The following SAMD3 variants were observed in gnomAD, a reference collection of about 807,000 sequenced individuals.
The protein encoded by SAMD3 is sterile alpha motif domain-containing protein 3.
SAMD3 carries 63 observed loss-of-function variants against 58.5 expected under a neutral mutation model. The ratio of observed to expected loss-of-function variants is 1.08; its 90% CI spans 0.88 to 1.33. The LOEUF (loss-of-function observed/expected upper bound fraction) is 1.33. Among genes scored for constraint, SAMD3 ranks in the 40% most tolerant of loss-of-function variants. The pLI is 0.00. For missense variants in SAMD3, 604 were observed against 608.4 expected (o/e 0.99, Z 0.08); for synonymous variants, 220 against 210.3 (o/e 1.05, Z -0.40).
intron 1 of SAMD3, among the ~76,000 whole-genome samples, chr6:130,337,906 C>T (rs1051196511): frequency 2.0e-5 from 3 of 152,152 alleles, no homozygotes; most frequent in African/African-American, 7.2e-5. Context: ...GAAAAGAAAA[C>T]CTCATTTTCT....
At chr6:130,362,115 G>A (rs943575160) in intron 1 of SAMD3, among the ~76,000 whole-genome samples, 11 of 152,216 alleles carry the variant, frequency 7.2e-5, no homozygotes, top group Admixed American at 2.0e-4. Context: ...GCTTCTGGAA[G>A]GGACTGAAGT....
At chr6:130,282,750 T>C (rs940221701) in intron 2 of SAMD3, among the ~76,000 whole-genome samples, 1 of 152,188 alleles carries the variant, frequency 6.6e-6, no homozygotes, top group Admixed American at 6.5e-5. Flanking sequence ...CAAACTTGTG[T>C]TTCATGCAGG....
chr6:130,164,482 A>C (rs1010394269), intron 8 of SAMD3, among the ~76,000 whole-genome samples: 2 of 152,192 alleles, frequency 1.3e-5, no homozygotes, highest in Non-Finnish European at 2.9e-5. Context: ...CCTGATCCTC[A>C]AAAAATGCCT....
intron 2 of SAMD3, among the ~76,000 whole-genome samples, chr6:130,269,136 T>A (rs1774466217): frequency 6.6e-6 from 1 of 152,170 alleles, no homozygotes; most frequent in Non-Finnish European, 1.5e-5. Context: ...TGGTATAAGT[T>A]GTGAAGTTTA....
At chr6:130,282,669 T>C (rs983980939) in intron 2 of SAMD3, among the ~76,000 whole-genome samples, 1 of 151,924 alleles carries the variant, frequency 6.6e-6, no homozygotes, top group Non-Finnish European at 1.5e-5. Flanking sequence ...ATCTACTCAC[T>C]GGTACAGAGA....
At chr6:130,184,943 T>C (rs1792790720) in intron 5 of SAMD3, among the ~76,000 whole-genome samples, 1 of 152,216 alleles carries the variant, frequency 6.6e-6, no homozygotes, top group South Asian at 2.1e-4. Context: ...AGCTCAAAAC[T>C]AGACAATATA....
At chr6:130,210,236 A>G (rs914543050) in intron 4 of SAMD3, among the ~76,000 whole-genome samples, 1 of 152,158 alleles carries the variant, frequency 6.6e-6, no homozygotes, top group African/African-American at 2.4e-5. Flanking sequence ...TCATATCCCC[A>G]TCATTTGCTG....
chr6:130,154,718 AATATATAT>A (rs147697847), intron 9 of SAMD3, 99 bp downstream of exon 9: 14 of 72,514 alleles, frequency 1.9e-4, no homozygotes, highest in South Asian at 5.4e-4. Flanking sequence ...AAAAAAAAAA[AATATATAT>A]ATATATATAT....
intron 1 of SAMD3, among the ~76,000 whole-genome samples, chr6:130,337,257 A>G (rs1367264952): frequency 6.6e-6 from 1 of 152,146 alleles, no homozygotes; most frequent in Non-Finnish European, 1.5e-5. Flanking sequence ...AGTGTTTGAC[A>G]GTTCCTCCTG....
intron 1 of SAMD3, among the ~76,000 whole-genome samples, chr6:130,325,119 C>T (rs1442155251): frequency 6.6e-6 from 1 of 152,136 alleles, no homozygotes; most frequent in Non-Finnish European, 1.5e-5. Context: ...GCAGAAATCT[C>T]ATTGTAGTTT....
Position 130,300,927 on chromosome 6 carries a change from C to A in SAMD3, c.-188+12051G>T, listed in dbSNP as rs374120363. Among the ~76,000 whole-genome samples the A allele has an allele frequency of 2.0e-5, 3 of 152,064 alleles. No individual in the cohort carries two copies. The East Asian group carries it at 5.8e-4, about 29-fold the overall frequency. ...TGTTGGTTTGCTGCACCCATCAACT[C>A]GTCATTTACATTAGGTATTTCACCT... is the stretch of plus-strand genomic sequence containing the variant. On this transcript the variant is annotated intron_variant, in intron 2 of 13. Transcript: ENST00000368134.
chr6:130,307,771 A>C (rs1775957624), intron 2 of SAMD3, among the ~76,000 whole-genome samples: 1 of 152,220 alleles, frequency 6.6e-6, no homozygotes, highest in Non-Finnish European at 1.5e-5. Flanking sequence ...ACTTTATTTA[A>C]CTTAATCATT....
chr6:130,224,925 C>G (rs1796346233), upstream of SAMD3, among the ~76,000 whole-genome samples: 1 of 152,080 alleles, frequency 6.6e-6, no homozygotes, highest in Non-Finnish European at 1.5e-5. Context: ...GCCCGAAGCA[C>G]TCTTTTTAGA....
intron 5 of SAMD3, among the ~76,000 whole-genome samples, chr6:130,200,006 T>C (rs761443823): frequency 3.3e-5 from 5 of 152,124 alleles, no homozygotes; most frequent in African/African-American, 1.2e-4. Context: ...TTGGCAAAGA[T>C]AGACAGATGT....
chr6:130,270,153 A>G (rs1267509293), intron 2 of SAMD3, among the ~76,000 whole-genome samples: 4 of 152,220 alleles, frequency 2.6e-5, no homozygotes, highest in Middle Eastern at 3.4e-3. Context: ...GTGCAGTGAC[A>G]TGATCTCAGC....
intron 2 of SAMD3, among the ~76,000 whole-genome samples, chr6:130,256,675 A>ACCTCTCC (rs1773937682): frequency 6.6e-6 from 1 of 152,222 alleles, no homozygotes; most frequent in Admixed American, 6.5e-5. Flanking sequence ...GCTCATGGAA[A>ACCTCTCC]CAGATGTTGT....
chr6:130,284,855 A>T (rs1032138433), intron 2 of SAMD3, among the ~76,000 whole-genome samples: 3 of 152,256 alleles, frequency 2.0e-5, no homozygotes, highest in East Asian at 3.8e-4. Context: ...CCAACAACAT[A>T]TATAGAGAAC....
At chr6:130,171,157 G>A (rs1055673608) in intron 8 of SAMD3, among the ~76,000 whole-genome samples, 3 of 152,186 alleles carry the variant, frequency 2.0e-5, no homozygotes, top group African/African-American at 7.2e-5. Context: ...AAGCGATGTT[G>A]AATTTTATCA....
intron 2 of SAMD3, among the ~76,000 whole-genome samples, chr6:130,286,454 T>C (rs977505479): frequency 6.6e-6 from 1 of 152,222 alleles, no homozygotes; most frequent in Non-Finnish European, 1.5e-5. Context: ...GTTCCTTTCT[T>C]TTGAAAGAAC....
Sources: allele counts gnomAD v4.1 joint callset (sites outside exome capture counted in the v4.1 genomes callset), GRCh38; gene constraint gnomAD v4.1.1; transcripts MANE v1.5; gene names NCBI Gene and HGNC (gene_info 2026-07-23, HGNC 2026-07-21).